The following SPG11 variants were observed in gnomAD, a reference collection of about 807,000 sequenced individuals.
The protein encoded by SPG11 is spatacsin.
A neutral mutation model predicts 274.0 loss-of-function variants in SPG11; 222 were observed. That is an observed-to-expected ratio of 0.81 (90% CI 0.73 to 0.91). SPG11 has a LOEUF of 0.91. SPG11 is among the 40% of genes least tolerant of loss of function. SPG11 has a pLI of 0.00. For synonymous variants in SPG11, 1,144 were observed against 1,039.7 expected (o/e 1.10, Z -1.93); for missense variants, 3,114 against 2,872.7 (o/e 1.08, Z -1.92).
chr15:44,598,943 T>A, intron 21 of SPG11, 107 bp from the exon 22 acceptor site: 1 of 1,113,724 alleles, frequency 9.0e-7, no homozygotes, highest in East Asian at 2.6e-5. Flanking sequence ...GCCATGTGAT[T>A]TGTGGCCTCC....
chr15:44,566,473 T>C lies in SPG11; in HGVS notation c.6755-168A>G, dbSNP rs984608711. Among the ~76,000 whole-genome samples, 9 of 152,360 alleles carry C rather than the reference T, an allele frequency of 5.9e-5. 1 individual carries two copies. Among genetic ancestry groups the C allele is most frequent in the Non-Finnish European group, 2.9e-5 (2 of 68,032 alleles). Reference sequence around the variant, plus strand: ...ATTGGGCCAGAAATGCATACGCTTATTGTAACTTCACTCCGCAGTAGGATT... The same window carrying C: ...ATTGGGCCAGAAATGCATACGCTTACTGTAACTTCACTCCGCAGTAGGATT... On this transcript the variant is annotated intron_variant, in intron 36 of 39. Transcript: ENST00000261866.
intron 34 of SPG11, 62 bp downstream of exon 34, chr15:44,570,463 C>T (rs1462356583): frequency 6.8e-6 from 11 of 1,609,372 alleles, no homozygotes; most frequent in Admixed American, 1.7e-5. Flanking sequence ...CTGGCTCCCA[C>T]CCTTTCTACT....
In SPG11 at chr15:44,584,438, C is replaced by A. The variant is rs760615840; in HGVS notation, c.5242G>T (p.Ala1748Ser). 10 of 1,614,226 alleles carry A rather than the reference C, an allele frequency of 6.2e-6. No individual in the cohort carries two copies. In the South Asian group the frequency reaches 8.8e-5, roughly 14 times the overall value. The change falls in exon 30 of 40, where the codon GCT becomes TCT. Residue 1748 changes from alanine to serine, a missense_variant. Ala to Ser is a moderately conservative substitution (Grantham distance 99, BLOSUM62 1). Coordinates refer to ENST00000261866, the MANE Select transcript of SPG11 (RefSeq NM_025137.4). ...FKKNSISSKA[A>S]SSFFSTQAHV... ...GCCTGGGTTGAGAAAAAGGAAGAAG[C>A]TGCTTTGCTTGAAATTGAATTTTTC...
In SPG11 at chr15:44,615,446, A is replaced by G. The variant is rs1236015716; in HGVS notation, c.2955T>C (p.Gly985=). Residue 985 remains glycine (G), a synonymous_variant, in exon 16 of 40, where the codon GGT becomes GGC. Coordinates refer to ENST00000261866, the MANE Select transcript of SPG11 (RefSeq NM_025137.4). ...LPVQNYKTKE[G]WDFHSQFILY... is the part of the protein sequence containing the mutation. ...GAATGAATTGAGAATGGAAATCCCA[A>G]CCTTCTTTGGTCTTGTAGTTTTGAA... The G allele has an allele frequency of 1.2e-6, 2 of 1,614,062 alleles. No homozygotes were observed. Among genetic ancestry groups the G allele is most frequent in the East Asian group, 2.2e-5 (1 of 44,858 alleles).
rs2083702773 is a variant in SPG11, at chr15:44,620,216, C to A, written c.2808G>T (p.Arg936Ser). The A allele has an allele frequency of 6.2e-7, 1 of 1,613,926 alleles. No homozygotes were observed. Among genetic ancestry groups the A allele is most frequent in the Non-Finnish European group, 8.5e-7 (1 of 1,179,918 alleles). Residue 936 changes from arginine to serine, a missense_variant, in exon 15 of 40, where the codon AGG becomes AGT. Transcript: ENST00000261866. ...TGGCCAGCTTATCTAAAATTTCATT[C>A]CTCATGTAGTTGTTACAGGAAGTAT... ...NQNTSCNNYM[R>S]NEILDKLARN...
intron 30 of SPG11, among the ~76,000 whole-genome samples, chr15:44,581,204 T>C (rs1425350608): frequency 9.2e-5 from 14 of 152,154 alleles, no homozygotes; most frequent in Admixed American, 9.2e-4. Flanking sequence ...AGAAAATAAC[T>C]AATTTTCTTA....
rs1567124741 is a variant in SPG11 at position 44,564,559 on chromosome 15, T to C, written c.7139A>G (p.Glu2380Gly). The change falls in exon 39 of 40, where the codon GAG becomes GGG. Residue 2380 changes from glutamate to glycine, a missense_variant. Transcript: ENST00000261866. ...QRLLKSSIFE[E>G]ISKKYKQHQP... is the part of the protein sequence containing the mutation. ...TTTTAATACTTACTTTTTGGAAATC[T>C]CTTCAAATATACTGGACTTTAATAA... The C allele has an allele frequency of 6.2e-7, 1 of 1,613,986 alleles. No homozygotes were observed. The highest frequency in any genetic ancestry group is 2.2e-5 in the East Asian group (1 of 44,876).
intron 35 of SPG11, among the ~76,000 whole-genome samples, chr15:44,568,216 GTGTCTTACC>G (rs1446371961): frequency 6.6e-6 from 1 of 152,178 alleles, no homozygotes; most frequent in East Asian, 1.9e-4. Flanking sequence ...TGTTTTCCAA[GTGTCTTACC>G]TGGAATATGC....
chr15:44,634,160 CAGG>C, intron 7 of SPG11, among the ~76,000 whole-genome samples: 1 of 152,114 alleles, frequency 6.6e-6, no homozygotes, highest in South Asian at 2.1e-4. Flanking sequence ...TCAATAGAAA[CAGG>C]AGGTTATTAG....
At chr15:44,633,737 G>T in intron 7 of SPG11, 100 bp from the exon 8 acceptor site, 1 of 1,290,010 alleles carries the variant, frequency 7.8e-7, no homozygotes, top group Non-Finnish European at 1.1e-6. Context: ...AATGTGGTGA[G>T]ACTACAGGAG....
At chr15:44,644,707 A>C (rs2084555661) in intron 7 of SPG11, among the ~76,000 whole-genome samples, 1 of 152,210 alleles carries the variant, frequency 6.6e-6, no homozygotes, top group Non-Finnish European at 1.5e-5. Flanking sequence ...CCTGGATCTG[A>C]TAAACAACTT....
chr15:44,629,868 C>T (rs372812862), intron 8 of SPG11, among the ~76,000 whole-genome samples: 78 of 152,098 alleles, frequency 5.1e-4, no homozygotes, highest in Middle Eastern at 3.4e-3. Context: ...GTCAGGAGTT[C>T]GAGACCAGCC....
At chr15:44,661,066 A>G (rs1398575550) in intron 1 of SPG11, among the ~76,000 whole-genome samples, 1 of 152,208 alleles carries the variant, frequency 6.6e-6, no homozygotes, top group Admixed American at 6.5e-5. Context: ...ACGATTCCAA[A>G]TCTTGAAAAA....
chr15:44,633,341 AAAAAAAAAAAAAAAAAAAAAAG>A, intron 8 of SPG11, 142 bp downstream of exon 8: 5 of 232,184 alleles, frequency 2.2e-5, no homozygotes, highest in African/African-American at 9.9e-5. Flanking sequence ...AAAAAAAAAA[AAAAAAAAAAAAAAAAAAAAAAG>A]AAAGTTTCCA....
chr15:44,569,574 C>G lies in SPG11; in HGVS notation c.6478-69G>C, dbSNP rs960384447. The G allele has an allele frequency of 4.1e-6, 5 of 1,213,018 alleles. No individual in the cohort carries two copies. In the African/African-American group the frequency reaches 7.5e-5, roughly 18 times the overall value. 75.1% of individuals were successfully genotyped at this position (1,213,018 alleles called of 1,614,324 possible). A position where few individuals can be genotyped will look rare whatever the true frequency, so the allele number is the denominator to read the frequency against. Reference sequence around the variant, plus strand: ...TGGAGTTCTCTGAGCCAGACAACTACCATCAGTGGTTGCTTTCAGATGCCA... The same window carrying G: ...TGGAGTTCTCTGAGCCAGACAACTAGCATCAGTGGTTGCTTTCAGATGCCA... On this transcript the variant is annotated intron_variant, in intron 34 of 39. Coordinates refer to ENST00000261866, the MANE Select transcript of SPG11 (RefSeq NM_025137.4).
intron 24 of SPG11, 93 bp downstream of exon 24, chr15:44,596,691 G>C: frequency 2.5e-6 from 1 of 406,566 alleles, no homozygotes; most frequent in Non-Finnish European, 4.4e-6. Flanking sequence ...AAAAAAAAAA[G>C]GCCTATGTCA....
intron 13 of SPG11, 140 bp from the exon 14 acceptor site, chr15:44,622,074 C>T (rs1193081721): frequency 1.4e-5 from 17 of 1,175,638 alleles, no homozygotes; most frequent in African/African-American, 4.7e-5. Context: ...AGAAAACTCT[C>T]GAGTCCCTTC....
At chr15:44,653,632 G>T (rs544847267) in intron 4 of SPG11, among the ~76,000 whole-genome samples, 1 of 152,170 alleles carries the variant, frequency 6.6e-6, no homozygotes, top group Non-Finnish European at 1.5e-5. Flanking sequence ...AGTGACGACA[G>T]AAGAGTTGAG....
chr15:44,566,379 C>T (rs561664707), intron 36 of SPG11, 74 bp from the exon 37 acceptor site: 57 of 1,441,388 alleles, frequency 4.0e-5, no homozygotes, highest in Admixed American at 5.6e-5. Flanking sequence ...TCATTGTGAT[C>T]GTGGCTAGAA....
Sources: gnomAD v4.1 joint callset for allele counts (sites outside exome capture counted in the v4.1 genomes callset) on GRCh38, gnomAD v4.1.1 for gene constraint, MANE v1.5 for transcripts, NCBI Gene and HGNC (gene_info 2026-07-23, HGNC 2026-07-21) for gene names.